Variants in NTM observed in about 807,000 individuals in gnomAD.
NTM encodes the protein IgLON family member 2.
NTM carries 13 observed loss-of-function variants against 42.1 expected under a neutral mutation model. The ratio of observed to expected loss-of-function variants is 0.31; its 90% CI spans 0.20 to 0.49. The LOEUF (loss-of-function observed/expected upper bound fraction) is 0.49. NTM is among the 20% of genes least tolerant of loss of function. The pLI is 0.99. For synonymous variants in NTM, 187 were observed against 179.2 expected (o/e 1.04, Z -0.35); for missense variants, 373 against 452.8 (o/e 0.82, Z 1.60).
At chr11:132,169,428 T>G (rs1357339327) in intron 3 of NTM, among the ~76,000 whole-genome samples, 4 of 137,894 alleles carry the variant, frequency 2.9e-5, no homozygotes, top group African/African-American at 1.1e-4. Flanking sequence ...TTCTGCCTCC[T>G]GGGTTCAATC....
chr11:131,470,216 T>C (rs57289090), intron 1 of NTM, among the ~76,000 whole-genome samples: 2 of 152,186 alleles, frequency 1.3e-5, no homozygotes, highest in Non-Finnish European at 2.9e-5. Context: ...AGAAAGTTAG[T>C]GGGAAAGTAG....
At chr11:131,538,921 C>CTTTTTTTTTTTTTT (rs58463755) in intron 1 of NTM, among the ~76,000 whole-genome samples, 32 of 102,370 alleles carry the variant, frequency 3.1e-4, no homozygotes, top group Admixed American at 6.3e-4. Context: ...GTTAACTTAG[C>CTTTTTTTTTTTTTT]TTTTTTTTTT....
chr11:132,253,082 C>G (rs1024808269), intron 4 of NTM, among the ~76,000 whole-genome samples: 2 of 152,192 alleles, frequency 1.3e-5, no homozygotes, highest in East Asian at 3.8e-4. Flanking sequence ...TTAAGGGATT[C>G]TCTGTCCAAC....
Position 131,833,548 on chromosome 11 carries a change from A to G in NTM, c.83-78016A>G, listed in dbSNP as rs534428737. 6.6e-5 allele frequency among the ~76,000 whole-genome samples: 10 copies of G among 152,358 alleles called. No individual in the cohort carries two copies. In the East Asian group the frequency reaches 7.7e-4, roughly 12 times the overall value. The stretch of plus-strand genomic sequence containing the variant: ...TGGGGGAAGCCACCTCAGGAGACTG[A>G]GTGCATCTGTAGCTCACACATGAGT... On this transcript the variant is annotated intron_variant, in intron 1 of 8. Transcript: ENST00000683400.
chr11:132,096,681 C>G (rs755534830), intron 2 of NTM, among the ~76,000 whole-genome samples: 1 of 152,230 alleles, frequency 6.6e-6, no homozygotes, highest in Non-Finnish European at 1.5e-5. Context: ...GCTCGGCCAG[C>G]AGAAGCGCTG....
chr11:132,092,607 A>G (rs931361458), intron 2 of NTM, among the ~76,000 whole-genome samples: 4 of 152,162 alleles, frequency 2.6e-5, no homozygotes, highest in African/African-American at 9.7e-5. Flanking sequence ...TCATGCTCCA[A>G]GGTTCCAGTG....
chr11:131,779,096 A>C lies in NTM; in HGVS notation c.83-132468A>C, dbSNP rs544982744. 1.5e-4 allele frequency among the ~76,000 whole-genome samples: 23 copies of C among 152,350 alleles called. No individual in the cohort carries two copies. In the East Asian group the frequency reaches 4.4e-3, roughly 29 times the overall value. On this transcript the variant is annotated intron_variant, in intron 1 of 8. Coordinates refer to ENST00000683400, the MANE Select transcript of NTM (RefSeq NM_001352005.2). ...CGTGGCCAACAACCACATCACAGTA[A>C]GCATCTAGGAACTGGGAGTGGCCCC...
chr11:131,410,059 T>A (rs1946209519), intron 1 of NTM, among the ~76,000 whole-genome samples: 2 of 151,958 alleles, frequency 1.3e-5, no homozygotes, highest in African/African-American at 4.8e-5. Context: ...TGACCGGCTT[T>A]CCCTGGAGCA....
At chr11:131,839,896 A>G (rs1411596783) in intron 1 of NTM, among the ~76,000 whole-genome samples, 2 of 152,172 alleles carry the variant, frequency 1.3e-5, no homozygotes, top group Non-Finnish European at 2.9e-5. Context: ...AGGTAGAGAG[A>G]CACATGACTT....
intron 1 of NTM, among the ~76,000 whole-genome samples, chr11:131,792,814 CTG>C (rs1046205182): frequency 4.6e-5 from 7 of 152,308 alleles, no homozygotes; most frequent in African/African-American, 1.2e-4. Flanking sequence ...AGAAGAAAGA[CTG>C]GGCTTTAAAA....
At chr11:131,647,282 C>A (rs115995366) in intron 1 of NTM, among the ~76,000 whole-genome samples, 2,719 of 152,330 alleles carry the variant, frequency 0.018, 70 homozygotes, top group African/African-American at 0.062. Flanking sequence ...TTACTTCAGA[C>A]TTGAAAGTCG....
intron 4 of NTM, among the ~76,000 whole-genome samples, chr11:132,222,609 A>G (rs991525376): frequency 6.6e-6 from 1 of 152,096 alleles, no homozygotes; most frequent in African/African-American, 2.4e-5. Context: ...CCAGTCTGCC[A>G]CCTGGCTCTC....
chr11:131,577,799 C>G (rs2058063084), intron 1 of NTM, among the ~76,000 whole-genome samples: 1 of 152,128 alleles, frequency 6.6e-6, no homozygotes, highest in Non-Finnish European at 1.5e-5. Context: ...TTCCTACTGT[C>G]TTAGATTTAT....
At chr11:131,946,722 A>G (rs980230280) in intron 2 of NTM, among the ~76,000 whole-genome samples, 16 of 152,216 alleles carry the variant, frequency 1.1e-4, no homozygotes, top group African/African-American at 3.6e-4. Context: ...TTCTCTACAG[A>G]TAGTATATCA....
intron 3 of NTM, among the ~76,000 whole-genome samples, chr11:132,160,946 C>G (rs1465281771): frequency 6.6e-6 from 1 of 152,200 alleles, no homozygotes; most frequent in Non-Finnish European, 1.5e-5. Context: ...CTGGAAAGCC[C>G]TGCCGGTGAC....
chr11:131,881,233 G>A (rs773051826), intron 1 of NTM, among the ~76,000 whole-genome samples: 1 of 152,068 alleles, frequency 6.6e-6, no homozygotes, highest in South Asian at 2.1e-4. Flanking sequence ...CACGCGTTGA[G>A]TGCTTAATAT....
At chr11:132,131,735 G>A (rs1257848601) in intron 2 of NTM, among the ~76,000 whole-genome samples, 1 of 152,194 alleles carries the variant, frequency 6.6e-6, no homozygotes, top group East Asian at 1.9e-4. Context: ...TTGAACAAGT[G>A]ATTCTCAAAC....
chr11:132,146,550 G>T lies in NTM; in HGVS notation c.400+36G>T, dbSNP rs776462233. 3 of 1,604,774 alleles carry T rather than the reference G, an allele frequency of 1.9e-6. No individual in the cohort carries two copies. The East Asian group carries it at 6.7e-5, about 36-fold the overall frequency. On this transcript the variant is annotated intron_variant, in intron 3 of 8. Transcript: ENST00000683400. The surrounding 1 kb of genome is among the most constrained non-coding windows in gnomAD (Gnocchi z 4.5). ...GGGGCTTGGCGGGGAGATCTGGCTG[G>T]CCAGCCTGGAAAGCCTTCAGGTAAA... is the stretch of plus-strand genomic sequence containing the variant.
intron 2 of NTM, among the ~76,000 whole-genome samples, chr11:131,937,475 G>A (rs1413368131): frequency 1.3e-5 from 2 of 152,248 alleles, no homozygotes; most frequent in South Asian, 4.2e-4. Flanking sequence ...GTAGAGAGAG[G>A]CCTGGAGATG....
Sources: gnomAD v4.1 joint callset for allele counts (sites outside exome capture counted in the v4.1 genomes callset) on GRCh38, gnomAD v4.1.1 for gene constraint, Gnocchi (gnomAD v3.1) non-coding constraint, MANE v1.5 for transcripts, NCBI Gene and HGNC (gene_info 2026-07-23, HGNC 2026-07-21) for gene names.